The following VPS13B variants were observed in gnomAD, a reference collection of about 807,000 sequenced individuals.
VPS13B encodes intermembrane lipid transfer protein VPS13B.
Under a neutral mutation model 426.4 loss-of-function variants are expected in VPS13B, and 285 were observed. The ratio of observed to expected loss-of-function variants is 0.67; its 90% CI spans 0.61 to 0.74. The LOEUF (loss-of-function observed/expected upper bound fraction) is 0.74, where lower values mean the gene tolerates loss of function less well. Among genes scored for constraint, VPS13B ranks in the 30% least tolerant of loss-of-function variants. The pLI is 0.00. For synonymous variants in VPS13B, 1,676 were observed against 1,676.4 expected, an observed-to-expected ratio of 1.00 and a Z score of 0.01; for missense variants, 4,537 against 4,782.6, an observed-to-expected ratio of 0.95 and a Z score of 1.51.
chr8:99,859,498 T>C lies in VPS13B; in HGVS notation c.11044+18T>C. The C allele has an allele frequency of 6.2e-7, 1 of 1,612,056 alleles. No homozygotes were observed. Among genetic ancestry groups the C allele is most frequent in the Non-Finnish European group, 8.5e-7 (1 of 1,179,902 alleles). On this transcript the variant is annotated intron_variant, in intron 57 of 61. Coordinates refer to ENST00000357162, the MANE Select transcript of VPS13B (RefSeq NM_152564.5). ...CTCCAAAGGTAGCGGGTTCCGTTCC[T>C]TGTAATAATGCCTTCACTCCTTCCC...
At chr8:99,528,079 T>C (rs1822742192) in intron 30 of VPS13B, among the ~76,000 whole-genome samples, 1 of 152,114 alleles carries the variant, frequency 6.6e-6, no homozygotes, top group South Asian at 2.1e-4. Flanking sequence ...AAAACAAGTC[T>C]CAGAACCTTG....
At chr8:99,853,347 G>A in intron 55 of VPS13B, 104 bp from the exon 56 acceptor site, 3 of 1,152,404 alleles carry the variant, frequency 2.6e-6, no homozygotes, top group Non-Finnish European at 3.8e-6. Flanking sequence ...AGAATCTGAT[G>A]TCCCATCAGG....
chr8:99,038,586 A>C lies in VPS13B; in HGVS notation c.291+20A>C, dbSNP rs2132222331. ...ATACAGGTAAGAAATTATTGAACCAAGTTGTTTATGTTAACTAATTTTAGT... is the reference window on the plus strand; with the variant it reads ...ATACAGGTAAGAAATTATTGAACCACGTTGTTTATGTTAACTAATTTTAGT... On this transcript the variant is annotated intron_variant, in intron 3 of 61. Transcript: ENST00000357162. 6.2e-7 allele frequency: 1 copy of C among 1,606,922 alleles called. No homozygotes were observed. The highest frequency in any genetic ancestry group is 1.1e-5 in the South Asian group (1 of 90,702).
chr8:99,821,103 AACACAC>A lies in VPS13B; in HGVS notation c.8995-132_8995-127del, dbSNP rs755074579. 0.15 allele frequency among the ~76,000 whole-genome samples: 12,107 copies of A among 78,112 alleles called. 1,019 individuals carry two copies. The highest frequency in any genetic ancestry group is 0.25 in the East Asian group (646 of 2,634). The allele number at this position is 78,112 out of a possible 152,430, so 51.2% of individuals were successfully genotyped here. On this transcript the variant is annotated intron_variant, in intron 49 of 61. Coordinates refer to ENST00000357162, the MANE Select transcript of VPS13B (RefSeq NM_152564.5). ...AATAGAATGTACGTTGTCATTACAA[AACACAC>A]ACACACACACACACACACACACACA...
intron 17 of VPS13B, among the ~76,000 whole-genome samples, chr8:99,201,609 TTA>T (rs1483709091): frequency 1.3e-5 from 2 of 152,154 alleles, no homozygotes; most frequent in Non-Finnish European, 2.9e-5. Flanking sequence ...GGATGTTGAA[TTA>T]TGTTTTATGA....
At chr8:99,017,506 A>AT (rs1563485126) in intron 2 of VPS13B, among the ~76,000 whole-genome samples, 1 of 150,802 alleles carries the variant, frequency 6.6e-6, no homozygotes, top group African/African-American at 2.4e-5. Flanking sequence ...TTTTATTTTT[A>AT]TTTTTTGAGA....
At chr8:99,174,497 C>A (rs913216795) in intron 16 of VPS13B, among the ~76,000 whole-genome samples, 5 of 152,094 alleles carry the variant, frequency 3.3e-5, no homozygotes, top group Admixed American at 1.3e-4. Flanking sequence ...TAATAGCTAT[C>A]GTAACAAATA....
At chr8:99,733,224 T>C (rs1199989848) in intron 39 of VPS13B, among the ~76,000 whole-genome samples, 1 of 152,190 alleles carries the variant, frequency 6.6e-6, no homozygotes, top group Admixed American at 6.5e-5. Flanking sequence ...GCATAGATCA[T>C]TTCTTGGGAG....
At chr8:99,527,911 C>T (rs1425909000) in intron 30 of VPS13B, 1 of 151,950 alleles carries the variant, frequency 6.6e-6, no homozygotes, top group Non-Finnish European at 1.5e-5. Context: ...TCCACTGCTT[C>T]ACTTGACTAG....
At chr8:99,652,463 A>T (rs1490683379) in intron 34 of VPS13B, among the ~76,000 whole-genome samples, 1 of 152,054 alleles carries the variant, frequency 6.6e-6, no homozygotes, top group Non-Finnish European at 1.5e-5. Flanking sequence ...TTTTTAAAGT[A>T]GTGGTTGTAA....
intron 39 of VPS13B, among the ~76,000 whole-genome samples, chr8:99,745,851 A>C (rs146126124): frequency 6.6e-6 from 1 of 152,070 alleles, no homozygotes; most frequent in Non-Finnish European, 1.5e-5. Flanking sequence ...CATTTTATCC[A>C]TATTATCAGA....
intron 24 of VPS13B, among the ~76,000 whole-genome samples, chr8:99,479,382 T>C (rs1819917036): frequency 2.0e-5 from 3 of 152,242 alleles, no homozygotes; most frequent in African/African-American, 4.8e-5. Context: ...ACATTGTTGA[T>C]ATTCAGACAC....
intron 21 of VPS13B, among the ~76,000 whole-genome samples, chr8:99,416,067 T>C (rs1396242492): frequency 1.3e-5 from 2 of 152,188 alleles, no homozygotes; most frequent in East Asian, 1.9e-4. Flanking sequence ...GTTTTATCTA[T>C]AAGCCCCTGA....
At chr8:99,510,968 C>A in intron 28 of VPS13B, 136 bp from the exon 29 acceptor site, 1 of 899,638 alleles carries the variant, frequency 1.1e-6, no homozygotes. Context: ...CAGAATTGAT[C>A]AGTCATGTGT....
chr8:99,037,769 T>G (rs1842811583), intron 2 of VPS13B, among the ~76,000 whole-genome samples: 1 of 151,904 alleles, frequency 6.6e-6, no homozygotes, highest in Non-Finnish European at 1.5e-5. Context: ...TGAAAAGCAG[T>G]CAGAAAACAT....
At chr8:99,313,515 T>C (rs1821130027) in intron 19 of VPS13B, among the ~76,000 whole-genome samples, 2 of 152,124 alleles carry the variant, frequency 1.3e-5, no homozygotes, top group Admixed American at 1.3e-4. Context: ...TGCTGCCTGA[T>C]CGTTCCTCTG....
rs1158449100 is a variant in VPS13B at position 99,208,601 on chromosome 8, G to GAC, written c.2515+15545_2515+15546insCA. Among the ~76,000 whole-genome samples the GAC allele has an allele frequency of 5.3e-5, 8 of 151,270 alleles. No individual in the cohort carries two copies. In the South Asian group the frequency reaches 8.4e-4, roughly 16 times the overall value. ...AGATTTTTGTTTGCTCTTTACCACAGAGATTTATTTGAAATATAAATATTT... is the reference window on the plus strand; with the variant it reads ...AGATTTTTGTTTGCTCTTTACCACAGACAGATTTATTTGAAATATAAATATTT... On this transcript the variant is annotated intron_variant, in intron 17 of 61. Transcript: ENST00000357162.
chr8:99,638,507 TG>T (rs968222091), intron 33 of VPS13B, among the ~76,000 whole-genome samples: 5 of 152,186 alleles, frequency 3.3e-5, no homozygotes, highest in African/African-American at 1.2e-4. Flanking sequence ...AGCATAGCAG[TG>T]GGAAGGACTA....
chr8:99,264,112 T>C (rs2132959371), intron 17 of VPS13B, among the ~76,000 whole-genome samples: 1 of 152,258 alleles, frequency 6.6e-6, no homozygotes, highest in East Asian at 1.9e-4. Flanking sequence ...TAGTGTTCTA[T>C]GTACTTATTT....
Sources: gnomAD v4.1 joint callset for allele counts (sites outside exome capture counted in the v4.1 genomes callset) on GRCh38, gnomAD v4.1.1 for gene constraint, MANE v1.5 for transcripts, NCBI Gene and HGNC (gene_info 2026-07-23, HGNC 2026-07-21) for gene names.